Variants in SCN2A observed in about 807,000 individuals in gnomAD.
SCN2A encodes sodium channel protein type 2 subunit alpha.
A neutral mutation model predicts 188.7 loss-of-function variants in SCN2A; 20 were observed. The observed-to-expected ratio is 0.11, with a 90% CI of 0.07 to 0.15. The LOEUF (loss-of-function observed/expected upper bound fraction) is 0.15, where lower values mean the gene tolerates loss of function less well. Ranked by LOEUF, SCN2A falls within the 10% of genes least tolerant of loss-of-function variation. SCN2A has a pLI of 1.00. For synonymous variants in SCN2A, 804 were observed against 833.1 expected (o/e 0.97, Z 0.60); for missense variants, 1,278 against 2,445.0 (o/e 0.52, Z 10.07).
chr2:165,240,844 A>C (rs1020101173), intron 1 of SCN2A, among the ~76,000 whole-genome samples: 1 of 152,140 alleles, frequency 6.6e-6, no homozygotes, highest in Non-Finnish European at 1.5e-5. Context: ...CATGAAAAAA[A>C]CATGTTTTTT....
chr2:165,286,832 G>A (rs1053486834), intron 1 of SCN2A, among the ~76,000 whole-genome samples: 2 of 152,214 alleles, frequency 1.3e-5, no homozygotes, highest in South Asian at 2.1e-4. Flanking sequence ...TATGTATTAC[G>A]CTTTTTTGGG....
At chr2:165,325,415 T>C (rs1403366093) in intron 12 of SCN2A, among the ~76,000 whole-genome samples, 2 of 152,168 alleles carry the variant, frequency 1.3e-5, no homozygotes, top group Non-Finnish European at 2.9e-5. Flanking sequence ...GAAGTAGGCT[T>C]TTGGAGAATG....
chr2:165,269,489 G>T (rs180677123), intron 1 of SCN2A: 162 of 152,098 alleles, frequency 1.1e-3, no homozygotes, highest in African/African-American at 3.7e-3. Context: ...ACTTATTTTG[G>T]CTTCCTTTGG....
chr2:165,346,092 G>C lies in SCN2A; in HGVS notation c.2919+1181G>C, dbSNP rs563186620. On this transcript the variant is annotated intron_variant, in intron 16 of 26. Coordinates refer to ENST00000375437, the MANE Select transcript of SCN2A (RefSeq NM_001040142.2). Reference sequence around the variant, plus strand: ...CCGAGAGATCTGCTGTTAGTCTGGTGGGCTTCCCTTTGTGGGTAACCCGAC... The same window carrying C: ...CCGAGAGATCTGCTGTTAGTCTGGTCGGCTTCCCTTTGTGGGTAACCCGAC... Among the ~76,000 whole-genome samples the C allele has an allele frequency of 3.3e-5, 5 of 152,192 alleles. No individual in the cohort carries two copies. The South Asian group carries it at 1.0e-3, about 32-fold the overall frequency.
chr2:165,262,571 A>G (rs1694644857), intron 1 of SCN2A, among the ~76,000 whole-genome samples: 1 of 152,158 alleles, frequency 6.6e-6, no homozygotes, highest in East Asian at 1.9e-4. Flanking sequence ...AAGACAAAGC[A>G]GTATTCATAT....
At chr2:165,286,888 T>C (rs1695859959) in intron 1 of SCN2A, among the ~76,000 whole-genome samples, 1 of 152,152 alleles carries the variant, frequency 6.6e-6, no homozygotes, top group Non-Finnish European at 1.5e-5. Context: ...CTTTTGGGGA[T>C]TTGCTCACAT....
At chr2:165,260,110 A>AT (rs1410974692) in intron 1 of SCN2A, among the ~76,000 whole-genome samples, 2 of 151,648 alleles carry the variant, frequency 1.3e-5, no homozygotes, top group African/African-American at 4.8e-5. Flanking sequence ...TGCCCGGCTA[A>AT]TTTTTTGTAT....
intron 16 of SCN2A, among the ~76,000 whole-genome samples, chr2:165,353,090 T>G (rs1330883172): frequency 6.6e-6 from 1 of 152,000 alleles, no homozygotes; most frequent in African/African-American, 2.4e-5. Context: ...TTTAATGTCA[T>G]GAATCTTTTC....
At position 165,390,420 on chromosome 2, in the gene SCN2A, T is replaced by A. The variant is rs1055534592; in HGVS notation, c.*596T>A. ...CTCATTCACACATAAAAAAATCACA[T>A]CACAAAAGGGAAGAGTTTACTTCTT... On this transcript the variant is annotated 3_prime_UTR_variant, in exon 27 of 27. Coordinates refer to ENST00000375437, the MANE Select transcript of SCN2A (RefSeq NM_001040142.2). 4 of 152,650 alleles carry A rather than the reference T, an allele frequency of 2.6e-5. No homozygotes were observed. Among genetic ancestry groups the A allele is most frequent in the African/African-American group, 9.7e-5 (4 of 41,396 alleles). 9.5% of individuals were successfully genotyped at this position (152,650 alleles called of 1,614,324 possible). A position where few individuals can be genotyped will look rare whatever the true frequency, so the allele number is the denominator to read the frequency against.
At chr2:165,366,879 TA>T (rs1193787392) in intron 18 of SCN2A, among the ~76,000 whole-genome samples, 1 of 152,158 alleles carries the variant, frequency 6.6e-6, no homozygotes, top group Non-Finnish European at 1.5e-5. Context: ...AGTGTCCATA[TA>T]GAGTGGAATT....
At chr2:165,315,441 G>T (rs752062964) in intron 10 of SCN2A, 30 bp from the exon 11 acceptor site, 14 of 1,613,038 alleles carry the variant, frequency 8.7e-6, no homozygotes, top group Non-Finnish European at 1.0e-5. Flanking sequence ...AAGTTTATAT[G>T]CAACTTCCAC....
At chr2:165,385,390 G>A (rs1038531081) in intron 25 of SCN2A, among the ~76,000 whole-genome samples, 1 of 152,126 alleles carries the variant, frequency 6.6e-6, no homozygotes, top group African/African-American at 2.4e-5. Flanking sequence ...CCAATGATCA[G>A]AACTGGTTTA....
rs192999227 is a variant in SCN2A at position 165,384,200 on chromosome 2, T to A, written c.4552-2546T>A. On this transcript the variant is annotated intron_variant, in intron 25 of 26. Transcript: ENST00000375437. The stretch of plus-strand genomic sequence containing the variant: ...TGAAATGCAAAAGGAAACAGAGGAG[T>A]TTATTTAAACTGTTTAAATTTAATG... 9.9e-5 allele frequency among the ~76,000 whole-genome samples: 15 copies of A among 151,936 alleles called. No individual in the cohort carries two copies. The East Asian group carries it at 1.9e-3, about 20-fold the overall frequency.
intron 13 of SCN2A, among the ~76,000 whole-genome samples, chr2:165,330,622 A>G (rs574463779): frequency 6.6e-6 from 1 of 152,280 alleles, no homozygotes; most frequent in South Asian, 2.1e-4. Flanking sequence ...AAATGTATGA[A>G]TTATATGTAT....
At chr2:165,291,955 G>A (rs1315535102) in intron 1 of SCN2A, among the ~76,000 whole-genome samples, 1 of 152,010 alleles carries the variant, frequency 6.6e-6, no homozygotes, top group Non-Finnish European at 1.5e-5. Context: ...GAGTTTTTCG[G>A]AGTCTTTCTT....
At chr2:165,335,964 T>C (rs1291923656) in intron 14 of SCN2A, among the ~76,000 whole-genome samples, 30 of 151,800 alleles carry the variant, frequency 2.0e-4, no homozygotes, top group Non-Finnish European at 1.5e-5. Flanking sequence ...AAAAAGGAGT[T>C]AGACAAAAGG....
chr2:165,265,511 A>ATATATATATG (rs1694815781), intron 1 of SCN2A, among the ~76,000 whole-genome samples: 1 of 124,552 alleles, frequency 8.0e-6, no homozygotes, highest in Non-Finnish European at 1.7e-5. Context: ...ATATATATAT[A>ATATATATATG]TATATTGCTG....
At chr2:165,294,040 A>ACATT in intron 1 of SCN2A, 4 of 629,756 alleles carry the variant, frequency 6.4e-6, no homozygotes, top group South Asian at 7.5e-5. Flanking sequence ...AAAAAAAAAG[A>ACATT]TTTTTTTTTT....
chr2:165,281,796 C>T (rs1695594010), intron 1 of SCN2A, among the ~76,000 whole-genome samples: 1 of 152,184 alleles, frequency 6.6e-6, no homozygotes, highest in Non-Finnish European at 1.5e-5. Flanking sequence ...CACAAGGCTC[C>T]ATGCTAAGAA....
Sources: gnomAD v4.1 joint callset for allele counts (sites outside exome capture counted in the v4.1 genomes callset) on GRCh38, gnomAD v4.1.1 for gene constraint, MANE v1.5 for transcripts, NCBI Gene and HGNC (gene_info 2026-07-23, HGNC 2026-07-21) for gene names.